TRAPPC8: variants seen among roughly 807,000 people sequenced by gnomAD.
TRAPPC8 encodes trafficking protein particle complex subunit 8, also known as general sporulation gene 1 homolog.
A neutral mutation model predicts 174.3 loss-of-function variants in TRAPPC8; 54 were observed. The observed-to-expected ratio is 0.31, with a 90% CI of 0.25 to 0.39. TRAPPC8 has a LOEUF of 0.39. Ranked by LOEUF, TRAPPC8 falls within the 10% of genes least tolerant of loss-of-function variation. The pLI is 1.00. For missense variants in TRAPPC8, 1,531 were observed against 1,699.1 expected, an observed-to-expected ratio of 0.90 and a Z score of 1.74; for synonymous variants, 630 against 579.9, an observed-to-expected ratio of 1.09 and a Z score of -1.24.
intron 1 of TRAPPC8, among the ~76,000 whole-genome samples, chr18:31,931,788 T>A (rs767163623): frequency 1.3e-5 from 2 of 152,206 alleles, no homozygotes; most frequent in Non-Finnish European, 2.9e-5. Context: ...TTTCCTATGT[T>A]TGGAGTTGCC....
intron 11 of TRAPPC8, among the ~76,000 whole-genome samples, chr18:31,895,186 G>A (rs918610390): frequency 3.9e-5 from 6 of 152,162 alleles, no homozygotes; most frequent in Non-Finnish European, 8.8e-5. Context: ...GGAATGTCAA[G>A]AGTATGTAAC....
rs1478982235 is a variant in TRAPPC8 at position 31,861,935 on chromosome 18, A to AG, written c.2745+2691_2745+2692insC. Among the ~76,000 whole-genome samples the AG allele has an allele frequency of 8.9e-3, 411 of 46,102 alleles. 5 individuals carry two copies. The highest frequency in any genetic ancestry group is 0.033 in the East Asian group (37 of 1,126). The allele number at this position is 46,102 out of a possible 152,430, so 30.2% of individuals were successfully genotyped here. ...GCGATCCCGTCTCCAGAAAAAAAAA[A>AG]AGGGGGGGGGGGGCGGTGGGGGAGG... On this transcript the variant is annotated intron_variant, in intron 19 of 28. Coordinates refer to ENST00000283351, the MANE Select transcript of TRAPPC8 (RefSeq NM_014939.5).
At position 31,853,865 on chromosome 18, in the gene TRAPPC8, A is replaced by G. The variant is rs781412219; in HGVS notation, c.3417T>C (p.Asn1139=). ...SKHWKLQKSV[N]LSENKDTKLA... is the part of the protein sequence containing the mutation. Reference sequence around the variant, plus strand: ...CAAACAAACCTTTGTTTTCAGAAAGATTTACAGATTTCTGTAACTTCCAGT... The same window carrying G: ...CAAACAAACCTTTGTTTTCAGAAAGGTTTACAGATTTCTGTAACTTCCAGT... Residue 1139 remains asparagine (N), a synonymous_variant, in exon 22 of 29, where the codon AAT becomes AAC. Transcript: ENST00000283351. 5 of 1,607,828 alleles carry G rather than the reference A, an allele frequency of 3.1e-6. No homozygotes were observed. The Admixed American group carries it at 8.6e-5, about 28-fold the overall frequency.
chr18:31,923,963 A>G (rs1346051221), intron 2 of TRAPPC8, among the ~76,000 whole-genome samples: 1 of 152,044 alleles, frequency 6.6e-6, no homozygotes, highest in East Asian at 1.9e-4. Flanking sequence ...CCTGGCCAAC[A>G]TGGCAAAACT....
intron 1 of TRAPPC8, among the ~76,000 whole-genome samples, chr18:31,941,042 A>T (rs1187657178): frequency 6.6e-6 from 1 of 152,240 alleles, no homozygotes; most frequent in African/African-American, 2.4e-5. Context: ...CTAAAAAAGA[A>T]AAGTTACACA....
chr18:31,907,671 A>T (rs2036724820), intron 8 of TRAPPC8, 61 bp from the exon 9 acceptor site: 1 of 1,368,654 alleles, frequency 7.3e-7, no homozygotes, highest in East Asian at 2.6e-5. Flanking sequence ...AAAATTATAA[A>T]ATACATTAAC....
chr18:31,913,596 T>C (rs2037009340), intron 4 of TRAPPC8, 74 bp from the exon 5 acceptor site: 22 of 1,142,752 alleles, frequency 1.9e-5, no homozygotes, highest in Non-Finnish European at 2.4e-5. Flanking sequence ...ACTAAAGTAG[T>C]ACAAAAATAA....
At chr18:31,930,781 C>T (rs4570943) in intron 2 of TRAPPC8, among the ~76,000 whole-genome samples, 151,275 of 151,892 alleles carry the variant, frequency 1, 75,334 homozygotes, top group East Asian at 1. Context: ...AAAAATTTAA[C>T]TTAAAAAATA....
At chr18:31,850,758 T>G (rs984311883) in intron 24 of TRAPPC8, among the ~76,000 whole-genome samples, 6 of 152,348 alleles carry the variant, frequency 3.9e-5, no homozygotes, top group African/African-American at 1.4e-4. Context: ...TGGCAAGTTC[T>G]ATTTATTCAA....
chr18:31,903,031 C>T (rs113531414), intron 9 of TRAPPC8, among the ~76,000 whole-genome samples: 4,432 of 146,642 alleles, frequency 0.03, 234 homozygotes, highest in African/African-American at 0.11. Flanking sequence ...GCCTGGGTGA[C>T]AGCGAGACTC....
chr18:31,841,293 A>T (rs2033082652), intron 26 of TRAPPC8, among the ~76,000 whole-genome samples: 1 of 152,076 alleles, frequency 6.6e-6, no homozygotes, highest in South Asian at 2.1e-4. Flanking sequence ...TTTTGTTTTA[A>T]ATTTTTTATC....
chr18:31,884,820 A>G (rs562167956), intron 12 of TRAPPC8, among the ~76,000 whole-genome samples: 3 of 152,148 alleles, frequency 2.0e-5, no homozygotes, highest in South Asian at 2.1e-4. Flanking sequence ...CACGCTGGGC[A>G]ACACAGTGAG....
intron 4 of TRAPPC8, among the ~76,000 whole-genome samples, chr18:31,914,132 CA>C (rs1264790427): frequency 0.13 from 5,728 of 44,498 alleles, 250 homozygotes; most frequent in African/African-American, 0.32. Context: ...ACCCCCATCT[CA>C]AAAAAAAAAA....
At position 31,890,722 on chromosome 18, in the gene TRAPPC8, C is replaced by G. The variant is rs753312974; in HGVS notation, c.1728+13G>C. 11 of 1,598,870 alleles carry G rather than the reference C, an allele frequency of 6.9e-6. No homozygotes were observed. Among genetic ancestry groups the G allele is most frequent in the Non-Finnish European group, 9.4e-6 (11 of 1,174,176 alleles). On this transcript the variant is annotated intron_variant, in intron 12 of 28. Transcript: ENST00000283351. Reference sequence around the variant, plus strand: ...TAAATAGCAACTTTTCATTGTAAAGCAAATGCACTCACCTGCCCTGCTTTA... The same window carrying G: ...TAAATAGCAACTTTTCATTGTAAAGGAAATGCACTCACCTGCCCTGCTTTA...
intron 12 of TRAPPC8, among the ~76,000 whole-genome samples, chr18:31,882,249 C>T (rs753841453): frequency 6.6e-6 from 1 of 152,088 alleles, no homozygotes; most frequent in Non-Finnish European, 1.5e-5. Flanking sequence ...GTGGTACATA[C>T]ACACCATGGA....
chr18:31,912,485 CTT>C (rs1418058342), intron 5 of TRAPPC8, among the ~76,000 whole-genome samples: 2 of 144,594 alleles, frequency 1.4e-5, no homozygotes, highest in African/African-American at 2.5e-5. Context: ...GAGCGAGACT[CTT>C]TGTCTCCAAA....
At chr18:31,864,042 AAAAT>A (rs1004282390) in intron 19 of TRAPPC8, among the ~76,000 whole-genome samples, 5 of 148,004 alleles carry the variant, frequency 3.4e-5, no homozygotes, top group African/African-American at 9.8e-5. Context: ...TATAAAATAT[AAAAT>A]ATATATTTAT....
At chr18:31,892,535 T>C (rs2035999081) in intron 11 of TRAPPC8, among the ~76,000 whole-genome samples, 1 of 152,174 alleles carries the variant, frequency 6.6e-6, no homozygotes, top group African/African-American at 2.4e-5. Context: ...GAATAATTAT[T>C]CAAATATTTT....
At chr18:31,899,419 G>GT (rs2036316943) in intron 10 of TRAPPC8, among the ~76,000 whole-genome samples, 1 of 152,140 alleles carries the variant, frequency 6.6e-6, no homozygotes, top group Non-Finnish European at 1.5e-5. Context: ...TATTAATGAT[G>GT]TTGTTTTGTT....
Sources: allele counts gnomAD v4.1 joint callset (sites outside exome capture counted in the v4.1 genomes callset), GRCh38; gene constraint gnomAD v4.1.1; transcripts MANE v1.5; gene names NCBI Gene and HGNC (gene_info 2026-07-23, HGNC 2026-07-21).